PDCD11: variants seen among roughly 807,000 people sequenced by gnomAD.
PDCD11 encodes protein RRP5 homolog.
Under a neutral mutation model 198.9 loss-of-function variants are expected in PDCD11, and 97 were observed. That is an observed-to-expected ratio of 0.49 (90% CI 0.41 to 0.58). The LOEUF (loss-of-function observed/expected upper bound fraction) is 0.58, where lower values mean the gene tolerates loss of function less well. Among genes scored for constraint, PDCD11 ranks in the 20% least tolerant of loss-of-function variants. PDCD11 has a pLI of 0.00. For synonymous variants in PDCD11, 893 were observed against 918.0 expected (o/e 0.97, Z 0.49); for missense variants, 2,102 against 2,312.7 (o/e 0.91, Z 1.87).
In PDCD11 at chr10:103,414,091, G is replaced by C. The variant is rs1394758365; in HGVS notation, c.1310+1G>C. The stretch of plus-strand genomic sequence containing the variant: ...AACTGGCCTTGCTCTCTCTACGAAC[G>C]TAAGTCTGTCATTAACAGGTAGGGG... On this transcript the variant is annotated splice_donor_variant, in intron 10 of 35. Coordinates refer to ENST00000369797, the MANE Select transcript of PDCD11 (RefSeq NM_014976.2). LOFTEE classifies it high-confidence loss of function. 6.2e-7 allele frequency: 1 copy of C among 1,609,454 alleles called. No homozygotes were observed.
At chr10:103,421,923 C>T (rs951390738) in intron 17 of PDCD11, among the ~76,000 whole-genome samples, 8 of 139,200 alleles carry the variant, frequency 5.7e-5, no homozygotes, top group African/African-American at 1.6e-4. Flanking sequence ...GCCGAGATTG[C>T]GTCACTGCAG....
chr10:103,438,796 G>C lies in PDCD11; in HGVS notation c.4013G>C (p.Gly1338Ala). ...TATGTAGGGTCCATCCAGCCACACG[G>C]TGTGTTCTTTCGGTGAGTGAGGGGG... ...RGYVGSIQPHGVFFRLGPSVV... is the reference protein window; with the variant it reads ...RGYVGSIQPHAVFFRLGPSVV... Residue 1338 changes from glycine (G) to alanine (A), a missense_variant, in exon 27 of 36, where the codon GGT becomes GCT. Gly to Ala is a moderately conservative substitution (Grantham distance 60). Transcript: ENST00000369797. 3 of 1,614,060 alleles carry C rather than the reference G, an allele frequency of 1.9e-6. No homozygotes were observed. Among genetic ancestry groups the C allele is most frequent in the Non-Finnish European group, 2.5e-6 (3 of 1,180,010 alleles).
At chr10:103,443,776 C>G in intron 33 of PDCD11, 139 bp from the exon 34 acceptor site, 1 of 833,214 alleles carries the variant, frequency 1.2e-6, no homozygotes, top group South Asian at 1.6e-5. Context: ...CCGCTCCTCT[C>G]AGGTCTCTAG....
chr10:103,415,076 T>C lies in PDCD11; in HGVS notation c.1443T>C (p.Pro481=), dbSNP rs1385547395. The C allele has an allele frequency of 2.5e-6, 4 of 1,614,050 alleles. No individual in the cohort carries two copies. In the South Asian group the frequency reaches 4.4e-5, roughly 18 times the overall value. ...GCGAGCAGATGAGGGGCCTGGTACCTCCCATGCACCTGGCTGACATCCTGA... is the reference window on the plus strand; with the variant it reads ...GCGAGCAGATGAGGGGCCTGGTACCCCCCATGCACCTGGCTGACATCCTGA... The part of the protein sequence containing the change: ...KVGEQMRGLV[P]PMHLADILMK... The change falls in exon 12 of 36, where the codon CCT becomes CCC. Residue 481 remains proline (P), a synonymous_variant. Transcript: ENST00000369797.
At chr10:103,411,107 A>G (rs1198110672) in intron 8 of PDCD11, among the ~76,000 whole-genome samples, 1 of 150,866 alleles carries the variant, frequency 6.6e-6, no homozygotes, top group African/African-American at 2.4e-5. Flanking sequence ...TTTACAGGCG[A>G]GGTCTCGCCA....
chr10:103,417,945 C>A lies in PDCD11; in HGVS notation c.1911+13C>A, dbSNP rs759457252. On this transcript the variant is annotated intron_variant, in intron 14 of 35. Coordinates refer to ENST00000369797, the MANE Select transcript of PDCD11 (RefSeq NM_014976.2). ...TAACATTGGGCAGGTACGTGGACTT[C>A]TCTGGACAAGCTATTTTATGTTACA... 4 of 1,613,638 alleles carry A rather than the reference C, an allele frequency of 2.5e-6. No individual in the cohort carries two copies. Among genetic ancestry groups the A allele is most frequent in the Non-Finnish European group, 2.5e-6 (3 of 1,179,874 alleles).
Position 103,439,754 on chromosome 10 carries a change from C to G in PDCD11, c.4034C>G (p.Pro1345Arg). 6.2e-7 allele frequency: 1 copy of G among 1,614,134 alleles called. No homozygotes were observed. Among genetic ancestry groups the G allele is most frequent in the Non-Finnish European group, 8.5e-7 (1 of 1,180,030 alleles). The change falls in exon 28 of 36, where the codon CCC (proline) becomes CGC (arginine). Residue 1345 changes from proline (P) to arginine (R), a missense_variant. Transcript: ENST00000369797. ...QPHGVFFRLG[P>R]SVVGLARYSH... ...TGCCTCTCTCCTTTCAGCCTTGGCC[C>G]CTCCGTTGTGGGTTTGGCTCGGTAC...
chr10:103,423,061 G>A lies in PDCD11; in HGVS notation c.2571G>A (p.Leu857=), dbSNP rs2031528755. 6 of 1,606,854 alleles carry A rather than the reference G, an allele frequency of 3.7e-6. No homozygotes were observed. Among genetic ancestry groups the A allele is most frequent in the African/African-American group, 1.3e-5 (1 of 74,624 alleles). The change falls in exon 18 of 36, where the codon TTG becomes TTA. Residue 857 remains leucine, a synonymous_variant. Coordinates refer to ENST00000369797, the MANE Select transcript of PDCD11 (RefSeq NM_014976.2). ...TTGACCTAGTGGTGCAGGAGGTGTTGGAAGATGGCTCTGTGGTATTCAGTG... is the reference window on the plus strand; with the variant it reads ...TTGACCTAGTGGTGCAGGAGGTGTTAGAAGATGGCTCTGTGGTATTCAGTG... ...MFLDLVVQEV[L]EDGSVVFSGG... is the part of the protein sequence containing the mutation.
At position 103,414,306 on chromosome 10, in the gene PDCD11, C is replaced by T; in HGVS notation, c.1347C>T (p.Asp449=). The T allele has an allele frequency of 6.2e-7, 1 of 1,613,448 alleles. No individual in the cohort carries two copies. The highest frequency in any genetic ancestry group is 8.5e-7 in the Non-Finnish European group (1 of 1,179,384). ...AAGCTCAGTACCTTAGATATCATGA[C>T]ATCGAACCTGGGGCAGTGGTAAAGG... is the stretch of plus-strand genomic sequence containing the variant. ...IIEAQYLRYH[D]IEPGAVVKGT... is the part of the protein sequence containing the mutation. The change falls in exon 11 of 36, where the codon GAC becomes GAT. Residue 449 remains aspartate, a synonymous_variant. Coordinates refer to ENST00000369797, the MANE Select transcript of PDCD11 (RefSeq NM_014976.2).
rs191666554 is a variant in PDCD11 at position 103,406,767 on chromosome 10, G to C, written c.847G>C (p.Val283Leu). ...WNLNNLLPGL[V>L]VKAQVQKVTP... ...CCTTAATAACTTGCTACCAGGACTG[G>C]TGGTCAAAGCTCAGGTACAGAAGGT... is the stretch of plus-strand genomic sequence containing the variant. The change falls in exon 7 of 36, where the codon GTG (valine) becomes CTG (leucine). Residue 283 changes from valine (V) to leucine (L), a missense_variant. By Grantham distance (32) the Val-to-Leu change is conservative. Coordinates refer to ENST00000369797, the MANE Select transcript of PDCD11 (RefSeq NM_014976.2). 1.1e-5 allele frequency: 17 copies of C among 1,614,064 alleles called. No homozygotes were observed. In the East Asian group the frequency reaches 3.8e-4, roughly 36 times the overall value.
At chr10:103,413,372 C>A (rs1269427819) in intron 9 of PDCD11, 50 bp downstream of exon 9, 4 of 1,478,912 alleles carry the variant, frequency 2.7e-6, no homozygotes, top group Non-Finnish European at 2.8e-6. Flanking sequence ...GGAAGGACTT[C>A]TGGAGCACAG....
At position 103,443,292 on chromosome 10, in the gene PDCD11, C is replaced by G. The variant is rs768158612; in HGVS notation, c.5083C>G (p.Leu1695Val). 6.2e-7 allele frequency: 1 copy of G among 1,612,216 alleles called. No homozygotes were observed. The highest frequency in any genetic ancestry group is 8.5e-7 in the Non-Finnish European group (1 of 1,178,472). Residue 1695 changes from leucine (L) to valine (V), a missense_variant, in exon 33 of 36, where the codon CTC becomes GTC. Physicochemically the swap from Leu to Val is conservative, Grantham distance 32 (BLOSUM62 1). Transcript: ENST00000369797. Reference protein sequence around the residue: ...VQYNEPLKVFLHLADIYAKSE... With the variant: ...VQYNEPLKVFVHLADIYAKSE... Reference sequence around the variant, plus strand: ...GTACAACGAGCCTCTCAAAGTCTTTCTCCACCTGGCTGACATCTACGCCAA... The same window carrying G: ...GTACAACGAGCCTCTCAAAGTCTTTGTCCACCTGGCTGACATCTACGCCAA...
rs374511140 is a variant in PDCD11 at position 103,434,288 on chromosome 10, C to T, written c.3605C>T (p.Ala1202Val). ...GATAAGAAGTTCCGGGTTGGCCAGGCCCTGAGGGCCACCGTTGTTGGCCCA... is the reference window on the plus strand; with the variant it reads ...GATAAGAAGTTCCGGGTTGGCCAGGTCCTGAGGGCCACCGTTGTTGGCCCA... ...HPDKKFRVGQ[A>V]LRATVVGPDS... Residue 1202 changes from alanine (A) to valine (V), a missense_variant, in exon 24 of 36, where the codon GCC (alanine) becomes GTC (valine). Transcript: ENST00000369797. 80 of 1,613,754 alleles carry T rather than the reference C, an allele frequency of 5.0e-5. No individual in the cohort carries two copies. The highest frequency in any genetic ancestry group is 6.4e-5 in the Non-Finnish European group (76 of 1,179,718).
In PDCD11 at chr10:103,413,153, G is replaced by A; in HGVS notation, c.1016G>A (p.Arg339Lys). ...ACILCVHPRT[R>K]VVHLSLRPIF... is the part of the protein sequence containing the mutation. Reference sequence around the variant, plus strand: ...ATCCTTTGCGTCCATCCTCGAACCAGAGTTGTGCACCTGAGCCTGCGCCCC... The same window carrying A: ...ATCCTTTGCGTCCATCCTCGAACCAAAGTTGTGCACCTGAGCCTGCGCCCC... Residue 339 changes from arginine (R) to lysine (K), a missense_variant, in exon 9 of 36, where the codon AGA (arginine) becomes AAA (lysine). Arg to Lys is a conservative substitution (Grantham distance 26). Transcript: ENST00000369797. 1.2e-6 allele frequency: 2 copies of A among 1,614,174 alleles called. No homozygotes were observed. Among genetic ancestry groups the A allele is most frequent in the Non-Finnish European group, 1.7e-6 (2 of 1,180,034 alleles).
At chr10:103,416,444 T>C (rs1219073116) in intron 12 of PDCD11, 47 bp from the exon 13 acceptor site, 1 of 1,600,786 alleles carries the variant, frequency 6.2e-7, no homozygotes, top group East Asian at 2.2e-5. Context: ...GCTCAGTGGC[T>C]CTCATGATAA....
intron 17 of PDCD11, 25 bp from the exon 18 acceptor site, chr10:103,422,963 C>T (rs200002833): frequency 4.6e-5 from 68 of 1,468,964 alleles, no homozygotes; most frequent in African/African-American, 2.1e-4. Flanking sequence ...GGTACTAATC[C>T]GTGTTTCCTT....
chr10:103,432,562 G>A (rs947085195), intron 22 of PDCD11, among the ~76,000 whole-genome samples: 1 of 152,142 alleles, frequency 6.6e-6, no homozygotes, highest in Non-Finnish European at 1.5e-5. Context: ...TGAAGTTCAG[G>A]TGCACTGTAA....
chr10:103,434,659 C>G, intron 24 of PDCD11, 139 bp from the exon 25 acceptor site: 1 of 658,098 alleles, frequency 1.5e-6, no homozygotes, highest in South Asian at 2.1e-5. Flanking sequence ...TGATCTCAGT[C>G]TAGATGGTTC....
chr10:103,427,415 G>A (rs775156498), intron 21 of PDCD11, 24 bp downstream of exon 21: 2 of 1,590,022 alleles, frequency 1.3e-6, no homozygotes, highest in African/African-American at 1.3e-5. Flanking sequence ...TAGCAGCACT[G>A]TCTTACGGAA....
Sources: gnomAD v4.1 joint callset for allele counts (sites outside exome capture counted in the v4.1 genomes callset) on GRCh38, gnomAD v4.1.1 for gene constraint, MANE v1.5 for transcripts, NCBI Gene and HGNC (gene_info 2026-07-23, HGNC 2026-07-21) for gene names.